DMD: variants seen among roughly 807,000 people sequenced by gnomAD.
DMD encodes dystrophin, also known as mutant dystrophin.
In DMD, 63 loss-of-function variants were observed where a neutral mutation model predicts 330.1. That is an observed-to-expected ratio of 0.19 (90% CI 0.16 to 0.24). The LOEUF (loss-of-function observed/expected upper bound fraction) is 0.24. DMD is among the 10% of genes least tolerant of loss of function. The pLI, the probability that DMD is intolerant of heterozygous loss-of-function variation, is 1.00. For synonymous variants in DMD, 1,223 were observed against 959.8 expected, an observed-to-expected ratio of 1.27 and a Z score of -5.07; for missense variants, 3,344 against 2,684.1, an observed-to-expected ratio of 1.25 and a Z score of -5.43.
chrX:32,135,304 T>C, intron 44 of DMD, among the ~76,000 whole-genome samples: 1 of 112,897 alleles, frequency 8.9e-6, no homozygotes, highest in Non-Finnish European at 1.9e-5. Flanking sequence ...TATATGGAAA[T>C]GATTCCCTTC....
intron 76 of DMD, among the ~76,000 whole-genome samples, chrX:31,137,011 C>G (rs1271372202): frequency 9.0e-6 from 1 of 110,914 alleles, no homozygotes; most frequent in African/African-American, 3.3e-5. Context: ...TAATGCATTG[C>G]TTTTTTTCTC....
intron 1 of DMD, among the ~76,000 whole-genome samples, chrX:33,285,492 T>C (rs1156616317): frequency 8.9e-6 from 1 of 112,065 alleles, no homozygotes; most frequent in Non-Finnish European, 1.9e-5. Flanking sequence ...TCAAATAATA[T>C]AACTCAGAAT....
chrX:32,865,833 T>C (rs1251813374), intron 2 of DMD, among the ~76,000 whole-genome samples: 4 of 112,669 alleles, frequency 3.6e-5, no homozygotes, highest in African/African-American at 6.4e-5. Context: ...CAGGAGCAAC[T>C]GCTGTAAATG....
At chrX:31,131,439 C>A (rs1306295316) in intron 77 of DMD, among the ~76,000 whole-genome samples, 1 of 111,649 alleles carries the variant, frequency 9.0e-6, no homozygotes, top group Non-Finnish European at 1.9e-5. Flanking sequence ...TGTATATATA[C>A]ATGTGTGTAC....
At chrX:32,867,656 A>G (rs188329352) in intron 2 of DMD, among the ~76,000 whole-genome samples, 205 of 112,171 alleles carry the variant, frequency 1.8e-3, no homozygotes, top group Non-Finnish European at 2.5e-3. Context: ...TATTTCAAAG[A>G]GGTAGCAACT....
intron 50 of DMD, among the ~76,000 whole-genome samples, chrX:31,816,567 G>A (rs746355371): frequency 5.4e-5 from 6 of 110,118 alleles, no homozygotes; most frequent in African/African-American, 1.0e-4. Context: ...GAGAGGCTGA[G>A]GCAGGCGGAT....
At chrX:31,528,856 C>A (rs2073451504) in intron 55 of DMD, among the ~76,000 whole-genome samples, 1 of 111,123 alleles carries the variant, frequency 9.0e-6, no homozygotes, top group Non-Finnish European at 1.9e-5. Flanking sequence ...CAGGGTCAGG[C>A]ACACTGGCTC....
At chrX:31,482,716 T>C (rs1256630044) in intron 57 of DMD, among the ~76,000 whole-genome samples, 2 of 111,906 alleles carry the variant, frequency 1.8e-5, no homozygotes, top group African/African-American at 3.3e-5. Flanking sequence ...CAATTTTCTT[T>C]TTCTGAGAAG....
chrX:31,716,872 T>C (rs201090939), intron 52 of DMD, among the ~76,000 whole-genome samples: 42 of 106,180 alleles, frequency 4.0e-4, no homozygotes, highest in African/African-American at 1.0e-3. Context: ...TATATATATA[T>C]ACACATATAT....
At chrX:31,773,877 T>C (rs1442203445) in intron 51 of DMD, 83 bp downstream of exon 51, 2 of 843,282 alleles carry the variant, frequency 2.4e-6, no homozygotes, top group African/African-American at 2.0e-5. Context: ...TGGTGGGAAA[T>C]GGTCTAGGAG....
chrX:32,524,126 T>G (rs369878561), intron 17 of DMD, among the ~76,000 whole-genome samples: 22 of 109,469 alleles, frequency 2.0e-4, no homozygotes, highest in African/African-American at 2.3e-4. Flanking sequence ...AGTAGAGATG[T>G]GGTTTCACCG....
chrX:32,768,543 C>G (rs1329697332), intron 7 of DMD, among the ~76,000 whole-genome samples: 5 of 111,745 alleles, frequency 4.5e-5, no homozygotes, highest in Non-Finnish European at 9.4e-5. Flanking sequence ...ATGGTTACCA[C>G]AATAAATTTA....
In DMD at chrX:32,913,124, G is replaced by C. The variant is rs182806328; in HGVS notation, c.94-63304C>G. On this transcript the variant is annotated intron_variant, in intron 2 of 78. Transcript: ENST00000357033. ...AGCAGATCAGAGGCTTCAGTAGGGAGGAGATGGGATAGCTTATTGTGAAAA... is the reference window on the plus strand; with the variant it reads ...AGCAGATCAGAGGCTTCAGTAGGGACGAGATGGGATAGCTTATTGTGAAAA... Among the ~76,000 whole-genome samples the C allele has an allele frequency of 1.8e-4, 20 of 111,675 alleles. No individual in the cohort carries two copies. In the Admixed American group the frequency reaches 1.9e-3, roughly 11 times the overall value.
intron 17 of DMD, among the ~76,000 whole-genome samples, chrX:32,519,119 C>T (rs1248057762): frequency 2.1e-5 from 2 of 94,569 alleles, no homozygotes; most frequent in African/African-American, 8.0e-5. Context: ...ACCCAAGTGT[C>T]TAATGGAATA....
intron 44 of DMD, among the ~76,000 whole-genome samples, chrX:32,160,546 T>C (rs1321606077): frequency 1.8e-5 from 2 of 110,224 alleles, no homozygotes; most frequent in Non-Finnish European, 3.8e-5. Context: ...GCTTGCAAAC[T>C]TTCATTTGAC....
chrX:32,438,656 C>A (rs1038817097), intron 28 of DMD, among the ~76,000 whole-genome samples: 2 of 111,717 alleles, frequency 1.8e-5, no homozygotes, highest in Non-Finnish European at 3.8e-5. Flanking sequence ...TTGACGTCCC[C>A]TAACTCTAAA....
At chrX:31,604,785 G>T (rs1311636618) in intron 55 of DMD, among the ~76,000 whole-genome samples, 2 of 111,611 alleles carry the variant, frequency 1.8e-5, no homozygotes, top group African/African-American at 3.3e-5. Flanking sequence ...CAGCTCAGTG[G>T]TTATCATCAA....
chrX:33,201,060 T>C (rs546188843), intron 1 of DMD, among the ~76,000 whole-genome samples: 133 of 105,750 alleles, frequency 1.3e-3, no homozygotes, highest in South Asian at 3.1e-3. Flanking sequence ...GCCTCCTGAG[T>C]AGCTGGGATT....
intron 55 of DMD, among the ~76,000 whole-genome samples, chrX:31,576,971 TC>T (rs1840996396): frequency 9.0e-6 from 1 of 111,166 alleles, no homozygotes; most frequent in South Asian, 3.8e-4. Flanking sequence ...CGCCTCGGCC[TC>T]CCAAAGTGCT....
Sources: gnomAD v4.1 joint callset for allele counts (sites outside exome capture counted in the v4.1 genomes callset) on GRCh38, gnomAD v4.1.1 for gene constraint, MANE v1.5 for transcripts, NCBI Gene and HGNC (gene_info 2026-07-23, HGNC 2026-07-21) for gene names.